SLFN12L: variants seen among roughly 807,000 people sequenced by gnomAD.
SLFN12L encodes schlafen family member 12 like, also known as schlafen family member 12-like.
A neutral mutation model predicts 34.8 loss-of-function variants in SLFN12L; 34 were observed. The ratio of observed to expected loss-of-function variants is 0.98; its 90% CI spans 0.74 to 1.30. SLFN12L has a LOEUF of 1.30. SLFN12L is among the 50% of genes most tolerant of loss of function. The pLI, the probability that SLFN12L is intolerant of heterozygous loss-of-function variation, is 0.00. For synonymous variants in SLFN12L, 259 were observed against 247.5 expected (o/e 1.05, Z -0.44); for missense variants, 703 against 696.2 (o/e 1.01, Z -0.11).
At chr17:35,536,904 G>A (rs754017845) in intron 1 of SLFN12L, among the ~76,000 whole-genome samples, 6 of 150,430 alleles carry the variant, frequency 4.0e-5, no homozygotes, top group Non-Finnish European at 7.4e-5. Flanking sequence ...GGCTGGGTAC[G>A]GTGGCTAATG....
Position 35,468,841 on chromosome 17 carries a change from C to A in SLFN12L, c.*6082G>T, listed in dbSNP as rs1459283828. ...AACCAGCCTGGGCAACATGGGGAGA[C>A]CCCATCTCTACAAAACATATAAAAG... On this transcript the variant is annotated 3_prime_UTR_variant, in exon 5 of 5. Transcript: ENST00000628453. Among the ~76,000 whole-genome samples the A allele has an allele frequency of 6.6e-6, 1 of 151,980 alleles. No homozygotes were observed. Among genetic ancestry groups the A allele is most frequent in the Non-Finnish European group, 1.5e-5 (1 of 67,996 alleles).
chr17:35,480,006 A>G lies in SLFN12L; in HGVS notation c.276T>C (p.Ala92=), dbSNP rs767304132. ...TCACTCCCCCTCCAGAATTCAGCAGAGCACACACAGCTCGTGAGACATTTT... is the reference window on the plus strand; with the variant it reads ...TCACTCCCCCTCCAGAATTCAGCAGGGCACACACAGCTCGTGAGACATTTT... ...QNENVSRAVC[A]LLNSGGGVIK... is the part of the protein sequence containing the mutation. The change falls in exon 3 of 5, where the codon GCT becomes GCC. Residue 92 remains alanine (A), a synonymous_variant. Transcript: ENST00000628453. The G allele has an allele frequency of 2.5e-6, 4 of 1,614,074 alleles. No homozygotes were observed. In the South Asian group the frequency reaches 4.4e-5, roughly 18 times the overall value.
chr17:35,522,160 AAC>A (rs1916016843), intron 2 of SLFN12L, 117 bp downstream of exon 2: 1 of 1,401,462 alleles, frequency 7.1e-7, no homozygotes, highest in Non-Finnish European at 9.7e-7. Flanking sequence ...TGCTCTCCTA[AAC>A]ACAGTTTGTT....
At chr17:35,502,870 T>C (rs932779338) in intron 2 of SLFN12L, among the ~76,000 whole-genome samples, 6 of 152,206 alleles carry the variant, frequency 3.9e-5, no homozygotes, top group African/African-American at 1.2e-4. Context: ...AATAATGTTA[T>C]ATGGTAAATT....
At chr17:35,523,555 C>T (rs1449916598) in intron 1 of SLFN12L, among the ~76,000 whole-genome samples, 19 of 152,216 alleles carry the variant, frequency 1.2e-4, no homozygotes, top group Non-Finnish European at 2.2e-4. Flanking sequence ...ATCTGAGGCT[C>T]CCCCCCATTA....
Position 35,479,270 on chromosome 17 carries a change from C to G in SLFN12L, c.1012G>C (p.Gly338Arg). The G allele has an allele frequency of 6.3e-7, 1 of 1,592,080 alleles. No homozygotes were observed. Residue 338 changes from glycine (G) to arginine (R), a missense_variant, in exon 3 of 5, where the codon GGA (glycine) becomes CGA (arginine). Coordinates refer to ENST00000628453, the MANE Select transcript of SLFN12L (RefSeq NM_001363830.2). ...LCKFLGVYDK[G>R]RLCGYVYALR... Reference sequence around the variant, plus strand: ...GCATACACATATCCACAAAGCCTTCCTTTATCATATACTCCAAGGAATTTG... The same window carrying G: ...GCATACACATATCCACAAAGCCTTCGTTTATCATATACTCCAAGGAATTTG...
intron 2 of SLFN12L, among the ~76,000 whole-genome samples, chr17:35,491,624 G>C (rs1023552155): frequency 6.6e-6 from 1 of 152,232 alleles, no homozygotes; most frequent in African/African-American, 2.4e-5. Context: ...GGCCTGCTGG[G>C]AAACAGCAAT....
At chr17:35,481,547 C>T (rs1022779806) in intron 2 of SLFN12L, among the ~76,000 whole-genome samples, 1 of 152,232 alleles carries the variant, frequency 6.6e-6, no homozygotes, top group African/African-American at 2.4e-5. Flanking sequence ...GGGAAGGGCC[C>T]CCTGTCCAGT....
intron 2 of SLFN12L, among the ~76,000 whole-genome samples, chr17:35,512,618 G>A (rs1023676339): frequency 2.6e-5 from 4 of 152,128 alleles, no homozygotes; most frequent in Admixed American, 1.3e-4. Context: ...CGCCTGCCTC[G>A]GCCTCCCAAA....
intron 2 of SLFN12L, among the ~76,000 whole-genome samples, chr17:35,484,776 T>C (rs1327624281): frequency 1.3e-5 from 2 of 152,144 alleles, no homozygotes; most frequent in African/African-American, 2.4e-5. Flanking sequence ...TAATGCTGAT[T>C]TGGGTTTATT....
intron 1 of SLFN12L, among the ~76,000 whole-genome samples, chr17:35,531,968 T>C (rs185872250): frequency 6.6e-6 from 1 of 152,192 alleles, no homozygotes. Context: ...AAGTGCAAAT[T>C]ATTTTGTATG....
chr17:35,505,361 G>A (rs1915432322), intron 2 of SLFN12L, among the ~76,000 whole-genome samples: 1 of 152,190 alleles, frequency 6.6e-6, no homozygotes, highest in Non-Finnish European at 1.5e-5. Flanking sequence ...AGATCTAGAT[G>A]GAGTTTCTAA....
chr17:35,531,747 G>T (rs2142179172), intron 1 of SLFN12L, among the ~76,000 whole-genome samples: 1 of 152,008 alleles, frequency 6.6e-6, no homozygotes, highest in South Asian at 2.1e-4. Flanking sequence ...CTCCCAAGTA[G>T]CTGGAATTAC....
chr17:35,499,623 C>T, intron 2 of SLFN12L: 1 of 163,698 alleles, frequency 6.1e-6, no homozygotes, highest in Non-Finnish European at 1.3e-5. Context: ...ATTTCACAGT[C>T]TCAGCAGCAG....
intron 3 of SLFN12L, 58 bp from the exon 4 acceptor site, chr17:35,478,243 C>T (rs1056158180): frequency 9.9e-6 from 11 of 1,105,822 alleles, no homozygotes; most frequent in Non-Finnish European, 1.3e-5. Flanking sequence ...GGGAGAGACT[C>T]AAGCTAACTA....
Position 35,466,279 on chromosome 17 carries a change from CT to C in SLFN12L, c.*8643del, listed in dbSNP as rs1454594984. Among the ~76,000 whole-genome samples, 4 of 152,236 alleles carry C rather than the reference CT, an allele frequency of 2.6e-5. No homozygotes were observed. The highest frequency in any genetic ancestry group is 9.6e-5 in the African/African-American group (4 of 41,514). ...GTATCAAACACAGGATTTTCATGGCCTTAAGAATCCTCTGTGGTTCAACTAT... is the reference window on the plus strand; with the variant it reads ...GTATCAAACACAGGATTTTCATGGCCTAAGAATCCTCTGTGGTTCAACTAT... On this transcript the variant is annotated 3_prime_UTR_variant, in exon 5 of 5. Transcript: ENST00000628453.
rs1374781802 is a variant in SLFN12L at position 35,466,098 on chromosome 17, A to G, written c.*8825T>C. 6.6e-6 allele frequency among the ~76,000 whole-genome samples: 1 copy of G among 152,148 alleles called. No homozygotes were observed. The highest frequency in any genetic ancestry group is 1.5e-5 in the Non-Finnish European group (1 of 68,026). On this transcript the variant is annotated 3_prime_UTR_variant, in exon 5 of 5. Coordinates refer to ENST00000628453, the MANE Select transcript of SLFN12L (RefSeq NM_001363830.2). ...ATGCATAGCCTCCCCCATTAGCAAC[A>G]TCTCCCATTAGTGTGGTACATTTGT...
intron 2 of SLFN12L, among the ~76,000 whole-genome samples, chr17:35,520,007 G>A (rs2376179): frequency 0.93 from 141,982 of 152,292 alleles, 66,292 homozygotes; most frequent in East Asian, 1. Context: ...AAGACCGATG[G>A]AACAGTCTCT....
At chr17:35,507,697 T>C (rs1177836794) in intron 2 of SLFN12L, among the ~76,000 whole-genome samples, 1 of 152,224 alleles carries the variant, frequency 6.6e-6, no homozygotes, top group Non-Finnish European at 1.5e-5. Flanking sequence ...ATAGGAGTTA[T>C]AATAGTAATA....
Sources: allele counts gnomAD v4.1 joint callset (sites outside exome capture counted in the v4.1 genomes callset), GRCh38; gene constraint gnomAD v4.1.1; transcripts MANE v1.5; gene names NCBI Gene and HGNC (gene_info 2026-07-23, HGNC 2026-07-21).